LRRFIP1: variants seen among roughly 807,000 people sequenced by gnomAD.
LRRFIP1 encodes the protein leucine-rich repeat flightless-interacting protein 1.
LRRFIP1 carries 62 observed loss-of-function variants against 104.4 expected under a neutral mutation model. The observed-to-expected ratio is 0.59, with a 90% CI of 0.48 to 0.73. LRRFIP1 has a LOEUF of 0.73. Ranked by LOEUF, LRRFIP1 falls within the 30% of genes least tolerant of loss-of-function variation. The pLI is 0.00. For synonymous variants in LRRFIP1, 300 were observed against 299.0 expected (o/e 1.00, Z -0.03); for missense variants, 796 against 824.5 (o/e 0.97, Z 0.42).
At chr2:237,705,467 G>A (rs973071952) in intron 1 of LRRFIP1, among the ~76,000 whole-genome samples, 1 of 152,112 alleles carries the variant, frequency 6.6e-6, no homozygotes, top group African/African-American at 2.4e-5. Flanking sequence ...TTCGAGACCA[G>A]CCTGGGCAAC....
chr2:237,748,531 AC>A (rs2058173089), intron 12 of LRRFIP1, 132 bp downstream of exon 12: 2 of 753,060 alleles, frequency 2.7e-6, no homozygotes, highest in Non-Finnish European at 4.4e-6. Context: ...GGCCCACCTA[AC>A]CTGGTATCAC....
Position 237,691,736 on chromosome 2 carries a change from G to A in LRRFIP1, c.97-16808G>A, listed in dbSNP as rs1001067272. ...TTCGGGTCGACCCCTACTGGGCGCG[G>A]CATCCTCCCCGGAGCGCCCGCTTCC... is the stretch of plus-strand genomic sequence containing the variant. On this transcript the variant is annotated intron_variant, in intron 1 of 23. Coordinates refer to ENST00000308482, the MANE Select transcript of LRRFIP1 (RefSeq NM_001137550.2). This position sits in a 1 kb window ranked among gnomAD's most constrained non-coding sequence, Gnocchi z 5.4. Among the ~76,000 whole-genome samples the A allele has an allele frequency of 1.3e-5, 2 of 152,144 alleles. No homozygotes were observed. Among genetic ancestry groups the A allele is most frequent in the African/African-American group, 4.8e-5 (2 of 41,438 alleles).
chr2:237,723,703 C>A, intron 7 of LRRFIP1, 117 bp downstream of exon 7: 2 of 1,294,050 alleles, frequency 1.5e-6, no homozygotes, highest in Non-Finnish European at 2.2e-6. Context: ...GCCTGGGGGG[C>A]TATGAGGCCA....
intron 3 of LRRFIP1, among the ~76,000 whole-genome samples, chr2:237,715,677 C>T (rs775943677): frequency 6.6e-6 from 1 of 152,250 alleles, no homozygotes; most frequent in African/African-American, 2.4e-5. Context: ...GAGGAGGCGG[C>T]GATTGCGCCT....
At chr2:237,681,135 C>T (rs79213414) in intron 1 of LRRFIP1, among the ~76,000 whole-genome samples, 57 of 152,342 alleles carry the variant, frequency 3.7e-4, no homozygotes, top group African/African-American at 1.3e-3. Context: ...TTTATTCAAA[C>T]ACAATCTCAC....
intron 1 of LRRFIP1, among the ~76,000 whole-genome samples, chr2:237,675,330 G>A (rs916040957): frequency 2.0e-5 from 3 of 152,156 alleles, no homozygotes; most frequent in East Asian, 1.9e-4. Context: ...TTTTTCTCCT[G>A]ACTTGGCTCT....
chr2:237,631,284 C>T (rs539838115), intron 1 of LRRFIP1, among the ~76,000 whole-genome samples: 4 of 152,246 alleles, frequency 2.6e-5, no homozygotes, highest in African/African-American at 7.2e-5. Flanking sequence ...TTCGCTGGAG[C>T]GAGGGGAAGA....
At chr2:237,727,377 A>G (rs1347655183) in intron 7 of LRRFIP1, among the ~76,000 whole-genome samples, 3 of 151,572 alleles carry the variant, frequency 2.0e-5, no homozygotes, top group African/African-American at 7.3e-5. Flanking sequence ...AAAAAAAGAA[A>G]TGATCTCTGA....
chr2:237,666,023 A>G (rs1375236297), intron 1 of LRRFIP1, among the ~76,000 whole-genome samples: 1 of 152,196 alleles, frequency 6.6e-6, no homozygotes, highest in Admixed American at 6.5e-5. Context: ...GTTCACAAGC[A>G]TGGACTCTGG....
intron 23 of LRRFIP1, among the ~76,000 whole-genome samples, chr2:237,778,168 T>A (rs1407892133): frequency 6.6e-6 from 1 of 152,232 alleles, no homozygotes; most frequent in African/African-American, 2.4e-5. Flanking sequence ...TGTGAGCTTA[T>A]GCTTGATTTT....
At chr2:237,639,697 A>G (rs972565643) in intron 1 of LRRFIP1, among the ~76,000 whole-genome samples, 16 of 152,134 alleles carry the variant, frequency 1.1e-4, no homozygotes, top group African/African-American at 3.9e-4. Flanking sequence ...TGAGGTGATG[A>G]CCACATGGTC....
chr2:237,779,307 G>C lies in LRRFIP1; in HGVS notation c.1813-115G>C, dbSNP rs13383684. The stretch of plus-strand genomic sequence containing the variant: ...GGAGGAAGGGCATCATGAGGGACCA[G>C]GGGCCAAGTTATCATTTTATTTTTC... On this transcript the variant is annotated intron_variant, in intron 23 of 23. Transcript: ENST00000308482. 5.6e-3 allele frequency: 7,992 copies of C among 1,437,168 alleles called. 357 individuals are homozygous for C. The African/African-American group carries it at 0.099, about 18-fold the overall frequency. The allele number at this position is 1,437,168 out of a possible 1,614,324, so 89.0% of individuals were successfully genotyped here.
chr2:237,651,454 T>A (rs1050581486), intron 1 of LRRFIP1, among the ~76,000 whole-genome samples: 1 of 152,230 alleles, frequency 6.6e-6, no homozygotes, highest in African/African-American at 2.4e-5. Context: ...TTGGTTTGAA[T>A]CAGGATCTAG....
At position 237,749,462 on chromosome 2, in the gene LRRFIP1, C is replaced by G. The variant is rs780986411; in HGVS notation, c.795+138C>G. 8 of 1,012,348 alleles carry G rather than the reference C, an allele frequency of 7.9e-6. No homozygotes were observed. The African/African-American group carries it at 1.1e-4, about 15-fold the overall frequency. 62.7% of individuals were successfully genotyped at this position (1,012,348 alleles called of 1,614,324 possible). ...TCTCTCCCTCACCTCCCCTAAAATA[C>G]GGTGTTCTCCTAACATCAAGACCCA... On this transcript the variant is annotated intron_variant, in intron 13 of 23. Transcript: ENST00000308482.
rs1201061547 is a variant in LRRFIP1 at position 237,649,110 on chromosome 2, G to C, written c.96+21370G>C. 6.6e-6 allele frequency among the ~76,000 whole-genome samples: 1 copy of C among 151,836 alleles called. No homozygotes were observed. Among genetic ancestry groups the C allele is most frequent in the African/African-American group, 2.4e-5 (1 of 41,402 alleles). ...TTGGCCGGCCCCTGGAGCTGGAGGA[G>C]GTGCTGGGCCATGGTTTGGAAGCTC... On this transcript the variant is annotated intron_variant, in intron 1 of 23. Coordinates refer to ENST00000308482, the MANE Select transcript of LRRFIP1 (RefSeq NM_001137550.2). This position sits in a 1 kb window ranked among gnomAD's most constrained non-coding sequence, Gnocchi z 4.1.
intron 20 of LRRFIP1, among the ~76,000 whole-genome samples, chr2:237,771,030 T>G (rs772762645): frequency 4.6e-5 from 7 of 152,200 alleles, no homozygotes; most frequent in Non-Finnish European, 1.0e-4. Flanking sequence ...CTGAGTTCTA[T>G]CCTTACTTCC....
intron 15 of LRRFIP1, among the ~76,000 whole-genome samples, chr2:237,755,700 G>A (rs61635688): frequency 0.19 from 29,006 of 152,202 alleles, 3,211 homozygotes; most frequent in East Asian, 0.47. Context: ...TTGGGAGGCT[G>A]GGGCAGGTGG....
At chr2:237,700,449 A>G (rs6720993) in intron 1 of LRRFIP1, among the ~76,000 whole-genome samples, 6,331 of 152,334 alleles carry the variant, frequency 0.042, 486 homozygotes, top group African/African-American at 0.15. Context: ...CAAAAAGGTT[A>G]TAAACTAGAC....
At chr2:237,665,206 T>C (rs560952891) in intron 1 of LRRFIP1, among the ~76,000 whole-genome samples, 1 of 152,342 alleles carries the variant, frequency 6.6e-6, no homozygotes, top group East Asian at 1.9e-4. Flanking sequence ...GAAAAAATTC[T>C]AAGGTTAAAG....
Sources: gnomAD v4.1 joint callset for allele counts (sites outside exome capture counted in the v4.1 genomes callset) on GRCh38, gnomAD v4.1.1 for gene constraint, Gnocchi (gnomAD v3.1) non-coding constraint, MANE v1.5 for transcripts, NCBI Gene and HGNC (gene_info 2026-07-23, HGNC 2026-07-21) for gene names.